Variants in PRKCB observed in about 807,000 individuals in gnomAD.
The protein encoded by PRKCB is protein kinase C beta type.
In PRKCB, 13 loss-of-function variants were observed where a neutral mutation model predicts 81.5. The ratio of observed to expected loss-of-function variants is 0.16; its 90% CI spans 0.10 to 0.25. PRKCB has a LOEUF of 0.25. PRKCB is among the 10% of genes least tolerant of loss of function. PRKCB has a pLI of 1.00. For missense variants in PRKCB, 509 were observed against 875.7 expected (o/e 0.58, Z 5.29); for synonymous variants, 335 against 321.4 (o/e 1.04, Z -0.45).
chr16:24,022,736 G>A (rs1315885466), intron 3 of PRKCB, among the ~76,000 whole-genome samples: 6 of 152,148 alleles, frequency 3.9e-5, no homozygotes, highest in African/African-American at 1.4e-4. Context: ...CTCGTGATCC[G>A]CCTGCCTCGG....
At position 24,218,262 on chromosome 16, in the gene PRKCB, G is replaced by T; in HGVS notation, c.*3446G>T. ...TGTGACTTGTGGGGATTGGGAGAGA[G>T]ATGCACAGACAATATTAAAGAGGAG... On this transcript the variant is annotated 3_prime_UTR_variant, in exon 17 of 17. Transcript: ENST00000643927. 1 of 985,370 alleles carries T rather than the reference G, an allele frequency of 1.0e-6. No individual in the cohort carries two copies. Among genetic ancestry groups the T allele is most frequent in the Non-Finnish European group, 1.2e-6 (1 of 829,924 alleles). The allele number at this position is 985,370 out of a possible 1,614,324, so 61.0% of individuals were successfully genotyped here. A position where few individuals can be genotyped will look rare whatever the true frequency, so the allele number is the denominator to read the frequency against.
At chr16:24,195,890 G>A (rs1967870292) in intron 16 of PRKCB, among the ~76,000 whole-genome samples, 1 of 152,138 alleles carries the variant, frequency 6.6e-6, no homozygotes, top group African/African-American at 2.4e-5. Flanking sequence ...CAAACATGCA[G>A]TGCCTTGTTT....
intron 2 of PRKCB, among the ~76,000 whole-genome samples, chr16:23,838,327 C>T (rs376164062): frequency 2.0e-5 from 3 of 152,208 alleles, no homozygotes; most frequent in African/African-American, 7.2e-5. Flanking sequence ...GAGCCGTCGT[C>T]GTAGATGGGG....
intron 2 of PRKCB, among the ~76,000 whole-genome samples, chr16:23,883,661 G>A (rs1963157136): frequency 6.6e-6 from 1 of 152,206 alleles, no homozygotes; most frequent in African/African-American, 2.4e-5. Flanking sequence ...ACGGGCAGCA[G>A]TGCAGAGGGA....
rs145820081 is a variant in PRKCB, at chr16:24,210,395, A to T, written c.1864-4263A>T. Reference sequence around the variant, plus strand: ...TCTGCCTAGCATGCCTTTCCTCCCGACATCCAAAGGGCACCCTCTCTCACT... The same window carrying T: ...TCTGCCTAGCATGCCTTTCCTCCCGTCATCCAAAGGGCACCCTCTCTCACT... On this transcript the variant is annotated intron_variant, in intron 16 of 16. Transcript: ENST00000643927. Among the ~76,000 whole-genome samples, 46 of 151,902 alleles carry T rather than the reference A, an allele frequency of 3.0e-4. No homozygotes were observed. In the East Asian group the frequency reaches 8.7e-3, roughly 29 times the overall value.
intron 10 of PRKCB, among the ~76,000 whole-genome samples, chr16:24,158,584 GTATATGTA>G (rs1429488500): frequency 1.3e-5 from 2 of 151,754 alleles, no homozygotes; most frequent in Admixed American, 6.6e-5. Flanking sequence ...ATATGTATAT[GTATATGTA>G]TATGTGTGTG....
intron 9 of PRKCB, among the ~76,000 whole-genome samples, chr16:24,131,641 T>C (rs1966853527): frequency 6.6e-6 from 1 of 152,258 alleles, no homozygotes; most frequent in African/African-American, 2.4e-5. Context: ...CTTCCTTTTC[T>C]TCTTCTTAAC....
chr16:23,882,233 C>T (rs1196905968), intron 2 of PRKCB, among the ~76,000 whole-genome samples: 7 of 151,476 alleles, frequency 4.6e-5, no homozygotes, highest in Non-Finnish European at 8.8e-5. Flanking sequence ...GCACACACTA[C>T]CATGCCCGGT....
intron 7 of PRKCB, among the ~76,000 whole-genome samples, chr16:24,108,965 GCTGGCCGGGCGGGGGA>G (rs1966622611): frequency 8.0e-6 from 1 of 125,744 alleles, no homozygotes; most frequent in Non-Finnish European, 1.6e-5. Flanking sequence ...GGATGGGGGG[GCTGGCCGGGCGGGGGA>G]CTGACCCCCC....
rs992377593 is a variant in PRKCB, at chr16:24,216,926, T to C, written c.*2110T>C. ...CTGCTCTGTAGCAAGGCAGCAGACA[T>C]CTCTGAGCCAGGCCCACCAACAGGC... On this transcript the variant is annotated 3_prime_UTR_variant, in exon 17 of 17. Transcript: ENST00000643927. The C allele has an allele frequency of 9.1e-6, 9 of 985,398 alleles. No individual in the cohort carries two copies. The highest frequency in any genetic ancestry group is 1.0e-3 in the Middle Eastern group (2 of 1,914). 61.0% of individuals were successfully genotyped at this position (985,398 alleles called of 1,614,324 possible).
At chr16:24,118,557 G>T (rs1190463045) in intron 8 of PRKCB, among the ~76,000 whole-genome samples, 1 of 152,148 alleles carries the variant, frequency 6.6e-6, no homozygotes, top group Non-Finnish European at 1.5e-5. Context: ...TGCAGTTTTA[G>T]CCAGGACAGG....
chr16:24,052,061 C>T (rs1200684956), intron 5 of PRKCB, among the ~76,000 whole-genome samples: 2 of 145,334 alleles, frequency 1.4e-5, no homozygotes, highest in Non-Finnish European at 3.0e-5. Context: ...AGTGAGCAAG[C>T]GAGACTCCGT....
At chr16:24,050,898 G>A (rs910633341) in intron 5 of PRKCB, among the ~76,000 whole-genome samples, 1 of 151,804 alleles carries the variant, frequency 6.6e-6, no homozygotes, top group African/African-American at 2.4e-5. Context: ...CTATCACATC[G>A]GGTGCTGCTA....
At chr16:23,837,623 C>T (rs1962188784) in intron 2 of PRKCB, among the ~76,000 whole-genome samples, 1 of 152,142 alleles carries the variant, frequency 6.6e-6, no homozygotes, top group African/African-American at 2.4e-5. Context: ...AGGAAGTTCA[C>T]CTACCCTTCC....
rs375558970 is a variant in PRKCB at position 23,960,591 on chromosome 16, C to G, written c.206-27917C>G. 1.8e-3 allele frequency among the ~76,000 whole-genome samples: 278 copies of G among 152,222 alleles called. 1 individual carries two copies. The highest frequency in any genetic ancestry group is 2.6e-3 in the Non-Finnish European group (180 of 68,006). On this transcript the variant is annotated intron_variant, in intron 2 of 16. Transcript: ENST00000643927. ...CCCATCACCTAGGTATTAAGCCCAGCATCCATTAGCTATTCTTCCTGATGC... is the reference window on the plus strand; with the variant it reads ...CCCATCACCTAGGTATTAAGCCCAGGATCCATTAGCTATTCTTCCTGATGC...
chr16:24,033,482 C>T (rs780755665), intron 4 of PRKCB, among the ~76,000 whole-genome samples: 1 of 152,092 alleles, frequency 6.6e-6, no homozygotes, highest in African/African-American at 2.4e-5. Context: ...AACAGATAAG[C>T]CAGGTGCAGT....
At chr16:23,883,170 G>T (rs970790171) in intron 2 of PRKCB, among the ~76,000 whole-genome samples, 1 of 152,130 alleles carries the variant, frequency 6.6e-6, no homozygotes, top group Admixed American at 6.5e-5. Flanking sequence ...AAAAAAACAG[G>T]ATGAGATCCA....
rs1017955507 is a variant in PRKCB at position 24,026,231 on chromosome 16, G to A, written c.289-5905G>A. On this transcript the variant is annotated intron_variant, in intron 3 of 16. Transcript: ENST00000643927. ...GGTCGCTTGAACCTGGGAGGCAGAG[G>A]CTGCGGTGAGCTATGATCGCACCAC... Among the ~76,000 whole-genome samples, 5 of 152,312 alleles carry A rather than the reference G, an allele frequency of 3.3e-5. No homozygotes were observed. The East Asian group carries it at 5.8e-4, about 18-fold the overall frequency.
intron 3 of PRKCB, among the ~76,000 whole-genome samples, chr16:23,996,156 ATC>A (rs1274678882): frequency 6.6e-6 from 1 of 152,158 alleles, no homozygotes; most frequent in Non-Finnish European, 1.5e-5. Context: ...GTGGATAGAC[ATC>A]TCTGAGTGGG....
Sources: gnomAD v4.1 joint callset for allele counts (sites outside exome capture counted in the v4.1 genomes callset) on GRCh38, gnomAD v4.1.1 for gene constraint, MANE v1.5 for transcripts, NCBI Gene and HGNC (gene_info 2026-07-23, HGNC 2026-07-21) for gene names.